The following TIFAB variants were observed in gnomAD, a reference collection of about 807,000 sequenced individuals.
The protein encoded by TIFAB is TRAF-interacting protein with FHA domain-containing protein B.
For missense variants in TIFAB, 222 were observed against 203.6 expected (o/e 1.09, Z -0.55); for synonymous variants, 116 against 95.2 (o/e 1.22, Z -1.27).
At position 135,446,220 on chromosome 5, in the gene TIFAB, A is replaced by T. The variant is rs950992139; in HGVS notation, c.*3234T>A. On this transcript the variant is annotated 3_prime_UTR_variant, in exon 2 of 2. Transcript: ENST00000537858. Reference sequence around the variant, plus strand: ...GAGATTCAGTTACTTGTCCAGGATCACAGAACTATAGTAAGTGGGGGTGGG... The same window carrying T: ...GAGATTCAGTTACTTGTCCAGGATCTCAGAACTATAGTAAGTGGGGGTGGG... 2 of 906,204 alleles carry T rather than the reference A, an allele frequency of 2.2e-6. No homozygotes were observed. Among genetic ancestry groups the T allele is most frequent in the Non-Finnish European group, 3.3e-6 (2 of 602,844 alleles). The allele number at this position is 906,204 out of a possible 1,614,324, so 56.1% of individuals were successfully genotyped here. A position where few individuals can be genotyped will look rare whatever the true frequency, so the allele number is the denominator to read the frequency against.
At position 135,446,692 on chromosome 5, in the gene TIFAB, G is replaced by A. The variant is rs1348129788; in HGVS notation, c.*2762C>T. 2.5e-6 allele frequency: 4 copies of A among 1,613,726 alleles called. No homozygotes were observed. In the East Asian group the frequency reaches 6.7e-5, roughly 27 times the overall value. ...GTGAGACTGTGTGAACTGTGAACGG[G>A]TAGAGTCTGAAACTACAAACCAGAT... On this transcript the variant is annotated 3_prime_UTR_variant, in exon 2 of 2. Coordinates refer to ENST00000537858, the MANE Select transcript of TIFAB (RefSeq NM_001099221.2).
In TIFAB at chr5:135,449,470, G is replaced by A; in HGVS notation, c.470C>T (p.Pro157Leu). Reference sequence around the variant, plus strand: ...CTGGATCTGCTACCCTGAACCAGGGGGAGGCTGCCCCTGGGAGATGCCTTC... The same window carrying A: ...CTGGATCTGCTACCCTGAACCAGGGAGAGGCTGCCCCTGGGAGATGCCTTC... ...EWEGISQGQPPPGSG is the reference protein window; with the variant it reads ...EWEGISQGQPLPGSG Residue 157 changes from proline to leucine, a missense_variant, in exon 2 of 2, where the codon CCC (proline) becomes CTC (leucine). Transcript: ENST00000537858. The A allele has an allele frequency of 4.3e-6, 7 of 1,613,838 alleles. No homozygotes were observed. Among genetic ancestry groups the A allele is most frequent in the Non-Finnish European group, 5.1e-6 (6 of 1,179,916 alleles).
rs374372138 is a variant in TIFAB at position 135,449,238 on chromosome 5, A to G, written c.*216T>C. On this transcript the variant is annotated 3_prime_UTR_variant, in exon 2 of 2. Coordinates refer to ENST00000537858, the MANE Select transcript of TIFAB (RefSeq NM_001099221.2). Reference sequence around the variant, plus strand: ...TTGGTTCATTATGAGCAAGGCAGCCAGTGGGTTTTGCTTGTCAACCTTGCA... The same window carrying G: ...TTGGTTCATTATGAGCAAGGCAGCCGGTGGGTTTTGCTTGTCAACCTTGCA... 5.7e-5 allele frequency: 40 copies of G among 699,242 alleles called. No individual in the cohort carries two copies. Among genetic ancestry groups the G allele is most frequent in the East Asian group, 1.7e-4 (6 of 35,470 alleles). 43.3% of individuals were successfully genotyped at this position (699,242 alleles called of 1,614,324 possible). A position where few individuals can be genotyped will look rare whatever the true frequency, so the allele number is the denominator to read the frequency against.
intron 1 of TIFAB, 119 bp from the exon 2 acceptor site, chr5:135,450,068 GC>G (rs1315723696): frequency 9.6e-6 from 13 of 1,352,548 alleles, no homozygotes; most frequent in Non-Finnish European, 1.3e-5. Flanking sequence ...CAATCACTCT[GC>G]CCAAGCCAGG....
Position 135,449,100 on chromosome 5 carries a change from T to C in TIFAB, c.*354A>G. On this transcript the variant is annotated 3_prime_UTR_variant, in exon 2 of 2. Transcript: ENST00000537858. ...AATGTGTGGAAATGCTGAGAGAGGC[T>C]CCCCAGAACCCCTCAGGGCCTCTAA... 1 of 251,288 alleles carries C rather than the reference T, an allele frequency of 4.0e-6. No individual in the cohort carries two copies. Among genetic ancestry groups the C allele is most frequent in the Non-Finnish European group, 7.8e-6 (1 of 128,258 alleles). The allele number at this position is 251,288 out of a possible 1,614,324, so 15.6% of individuals were successfully genotyped here. A position where few individuals can be genotyped will look rare whatever the true frequency, so the allele number is the denominator to read the frequency against.
chr5:135,450,016 C>T, intron 1 of TIFAB, 67 bp from the exon 2 acceptor site: 1 of 1,502,462 alleles, frequency 6.7e-7, no homozygotes, highest in Non-Finnish European at 8.9e-7. Flanking sequence ...TCCCTGAGCC[C>T]AGACACACTT....
chr5:135,446,433 G>A lies in TIFAB; in HGVS notation c.*3021C>T, dbSNP rs1185077994. The A allele has an allele frequency of 6.2e-7, 1 of 1,612,886 alleles. No individual in the cohort carries two copies. On this transcript the variant is annotated 3_prime_UTR_variant, in exon 2 of 2. Coordinates refer to ENST00000537858, the MANE Select transcript of TIFAB (RefSeq NM_001099221.2). ...CTGAGAGAATGCAGTGGAGGTTGTT[G>A]GGAGGAACTCACCCGCCTGCTCTGG...
rs538956192 is a variant in TIFAB at position 135,451,054 on chromosome 5, C to T, written c.-10-1105G>A. 3.3e-5 allele frequency among the ~76,000 whole-genome samples: 5 copies of T among 152,222 alleles called. No individual in the cohort carries two copies. In the South Asian group the frequency reaches 1.0e-3, roughly 32 times the overall value. On this transcript the variant is annotated intron_variant, in intron 1 of 1. Coordinates refer to ENST00000537858, the MANE Select transcript of TIFAB (RefSeq NM_001099221.2). ...AGTTCCTCTCTTCCTGCCCCTGAGG[C>T]CTCCCAAGGGCTGGGTATGGTCTGG...
Position 135,444,232 on chromosome 5 carries a change from T to A in TIFAB, c.*5222A>T, listed in dbSNP as rs944299407. 2.6e-5 allele frequency: 4 copies of A among 152,212 alleles called. No individual in the cohort carries two copies. Among genetic ancestry groups the A allele is most frequent in the African/African-American group, 9.7e-5 (4 of 41,450 alleles). The allele number at this position is 152,212 out of a possible 1,614,324, so 9.4% of individuals were successfully genotyped here. On this transcript the variant is annotated 3_prime_UTR_variant, in exon 2 of 2. Coordinates refer to ENST00000537858, the MANE Select transcript of TIFAB (RefSeq NM_001099221.2). Reference sequence around the variant, plus strand: ...GAGAATGTAACTCAAATGGTAGGTTTTATTTCACTTTAATCCGCCTGTGAG... The same window carrying A: ...GAGAATGTAACTCAAATGGTAGGTTATATTTCACTTTAATCCGCCTGTGAG...
chr5:135,449,469 G>A lies in TIFAB; in HGVS notation c.471C>T (p.Pro157=), dbSNP rs750583111. The A allele has an allele frequency of 7.4e-6, 12 of 1,613,832 alleles. No individual in the cohort carries two copies. The highest frequency in any genetic ancestry group is 1.7e-4 in the Middle Eastern group (1 of 5,886). Residue 157 remains proline, a synonymous_variant, in exon 2 of 2, where the codon CCC becomes CCT. Coordinates refer to ENST00000537858, the MANE Select transcript of TIFAB (RefSeq NM_001099221.2). ...EWEGISQGQP[P]PGSG ...CCTGGATCTGCTACCCTGAACCAGGGGGAGGCTGCCCCTGGGAGATGCCTT... is the reference window on the plus strand; with the variant it reads ...CCTGGATCTGCTACCCTGAACCAGGAGGAGGCTGCCCCTGGGAGATGCCTT...
In TIFAB at chr5:135,449,522, G is replaced by T. The variant is rs1769328739; in HGVS notation, c.418C>A (p.Pro140Thr). The T allele has an allele frequency of 1.2e-6, 2 of 1,614,210 alleles. No individual in the cohort carries two copies. Among genetic ancestry groups the T allele is most frequent in the Admixed American group, 3.3e-5 (2 of 60,028 alleles). ...CATTCGTCAGTTTCCTCAGCCTCAG[G>T]TCTGTAAATCAGGGGTGAAGGGCTG... ...HVSPSPLIYR[P>T]EAEETDEWEG... Residue 140 changes from proline (P) to threonine (T), a missense_variant, in exon 2 of 2, where the codon CCT becomes ACT. Transcript: ENST00000537858.
chr5:135,446,448 G>A lies in TIFAB; in HGVS notation c.*3006C>T, dbSNP rs750575659. The A allele has an allele frequency of 2.0e-5, 32 of 1,613,160 alleles. No homozygotes were observed. The highest frequency in any genetic ancestry group is 1.8e-4 in the South Asian group (16 of 91,068). On this transcript the variant is annotated 3_prime_UTR_variant, in exon 2 of 2. Transcript: ENST00000537858. ...GGAGGTTGTTGGGAGGAACTCACCC[G>A]CCTGCTCTGGCTGTCTGAGCAGGTG...
rs769977158 is a variant in TIFAB, at chr5:135,449,860, G to A, written c.80C>T (p.Pro27Leu). 1 of 1,587,936 alleles carries A rather than the reference G, an allele frequency of 6.3e-7. No individual in the cohort carries two copies. Among genetic ancestry groups the A allele is most frequent in the Non-Finnish European group, 8.6e-7 (1 of 1,164,592 alleles). Residue 27 changes from proline to leucine, a missense_variant, in exon 2 of 2, where the codon CCA (proline) becomes CTA (leucine). By Grantham distance (98) the Pro-to-Leu change is moderately conservative. Transcript: ENST00000537858. Reference protein sequence around the residue: ...LGPSAFANVPPRLQHDTSPLL... With the variant: ...LGPSAFANVPLRLQHDTSPLL... ...AGGGCTGGTATCATGCTGCAGCCGT[G>A]GTGGGACATTGGCAAAGGCAGATGG...
In TIFAB at chr5:135,449,396, A is replaced by C. The variant is rs941866577; in HGVS notation, c.*58T>G. 4.0e-5 allele frequency: 64 copies of C among 1,589,256 alleles called. No homozygotes were observed. In the East Asian group the frequency reaches 1.3e-3, roughly 32 times the overall value. ...TGTTCCTCCTCCAGGTCTTGGCTGG[A>C]GAGGGCTGTCCCAAGTCTGGGAAGG... is the stretch of plus-strand genomic sequence containing the variant. On this transcript the variant is annotated 3_prime_UTR_variant, in exon 2 of 2. Transcript: ENST00000537858.
rs566760598 is a variant in TIFAB at position 135,446,221 on chromosome 5, C to T, written c.*3233G>A. 4.3e-6 allele frequency: 4 copies of T among 921,064 alleles called. No homozygotes were observed. Among genetic ancestry groups the T allele is most frequent in the African/African-American group, 3.3e-5 (2 of 60,264 alleles). 57.1% of individuals were successfully genotyped at this position (921,064 alleles called of 1,614,324 possible). A position where few individuals can be genotyped will look rare whatever the true frequency, so the allele number is the denominator to read the frequency against. ...AGATTCAGTTACTTGTCCAGGATCACAGAACTATAGTAAGTGGGGGTGGGG... is the reference window on the plus strand; with the variant it reads ...AGATTCAGTTACTTGTCCAGGATCATAGAACTATAGTAAGTGGGGGTGGGG... On this transcript the variant is annotated 3_prime_UTR_variant, in exon 2 of 2. Transcript: ENST00000537858.
chr5:135,447,058 C>T lies in TIFAB; in HGVS notation c.*2396G>A. The T allele has an allele frequency of 6.2e-7, 1 of 1,614,044 alleles. No homozygotes were observed. Among genetic ancestry groups the T allele is most frequent in the East Asian group, 2.2e-5 (1 of 44,876 alleles). On this transcript the variant is annotated 3_prime_UTR_variant, in exon 2 of 2. Coordinates refer to ENST00000537858, the MANE Select transcript of TIFAB (RefSeq NM_001099221.2). ...GTCTTTGGTGTCCAGGTACAGTCTC[C>T]AGGCCGTGGCTTCTCGAGTTCTGTA...
Position 135,447,022 on chromosome 5 carries a change from T to C in TIFAB, c.*2432A>G, listed in dbSNP as rs757401477. 12 of 1,613,784 alleles carry C rather than the reference T, an allele frequency of 7.4e-6. No individual in the cohort carries two copies. Among genetic ancestry groups the C allele is most frequent in the Non-Finnish European group, 1.0e-5 (12 of 1,179,862 alleles). On this transcript the variant is annotated 3_prime_UTR_variant, in exon 2 of 2. Coordinates refer to ENST00000537858, the MANE Select transcript of TIFAB (RefSeq NM_001099221.2). Reference sequence around the variant, plus strand: ...GGAACTCTGGGGTTTCCCCACCAGCTCCTCTCTCCAGTCTTTGGTGTCCAG... The same window carrying C: ...GGAACTCTGGGGTTTCCCCACCAGCCCCTCTCTCCAGTCTTTGGTGTCCAG...
intron 1 of TIFAB, among the ~76,000 whole-genome samples, 188 bp downstream of exon 1, chr5:135,452,021 C>T (rs1350755847): frequency 5.3e-5 from 8 of 152,260 alleles, no homozygotes; most frequent in Non-Finnish European, 1.0e-4. Context: ...CCATCCACGA[C>T]AGGCTGTCCC....
chr5:135,451,727 G>T (rs772426612), intron 1 of TIFAB, among the ~76,000 whole-genome samples: 1 of 152,034 alleles, frequency 6.6e-6, no homozygotes. Context: ...TAGGTGATCC[G>T]CCCGCCCCGA....
Sources: allele counts gnomAD v4.1 joint callset (sites outside exome capture counted in the v4.1 genomes callset), GRCh38; gene constraint gnomAD v4.1.1; transcripts MANE v1.5; gene names NCBI Gene and HGNC (gene_info 2026-07-23, HGNC 2026-07-21).